DLGAP4: variants seen among roughly 807,000 people sequenced by gnomAD.
The protein encoded by DLGAP4 is DLG associated protein 4.
DLGAP4 carries 18 observed loss-of-function variants against 86.9 expected under a neutral mutation model. That is an observed-to-expected ratio of 0.21 (90% CI 0.14 to 0.31). The LOEUF (loss-of-function observed/expected upper bound fraction) is 0.31. Among genes scored for constraint, DLGAP4 ranks in the 10% least tolerant of loss-of-function variants. The pLI is 1.00. For synonymous variants in DLGAP4, 548 were observed against 574.3 expected, an observed-to-expected ratio of 0.95 and a Z score of 0.65; for missense variants, 1,085 against 1,362.6, an observed-to-expected ratio of 0.80 and a Z score of 3.21.
Position 36,317,260 on chromosome 20 carries a change from TTTC to T in DLGAP4, c.-304+10751_-304+10753del, listed in dbSNP as rs2065112794. 5.5e-3 allele frequency among the ~76,000 whole-genome samples: 309 copies of T among 56,096 alleles called. 3 individuals are homozygous for T. The highest frequency in any genetic ancestry group is 0.032 in the African/African-American group (288 of 8,948). The allele number at this position is 56,096 out of a possible 152,430, so 36.8% of individuals were successfully genotyped here. A position where few individuals can be genotyped will look rare whatever the true frequency, so the allele number is the denominator to read the frequency against. On this transcript the variant is annotated intron_variant, in intron 1 of 12. Coordinates refer to ENST00000339266, the MANE Select transcript of DLGAP4 (RefSeq NM_001365621.2). ...CTTTCTTTCTTTCTTTCTTTCTTTC[TTTC>T]TTTCTTTCTTTCTTATCTTTCTTTC...
chr20:36,513,141 C>T (rs977434472), intron 10 of DLGAP4, among the ~76,000 whole-genome samples: 3 of 151,130 alleles, frequency 2.0e-5, no homozygotes, highest in African/African-American at 7.3e-5. Flanking sequence ...CCAGGCTGGT[C>T]TTGAACTCCT....
intron 7 of DLGAP4, among the ~76,000 whole-genome samples, chr20:36,465,823 T>G (rs546968419): frequency 6.6e-6 from 1 of 152,276 alleles, no homozygotes; most frequent in East Asian, 1.9e-4. Context: ...CTAGCCACTT[T>G]GAGAAGTTGT....
chr20:36,440,010 A>C (rs1037607180), intron 5 of DLGAP4, 142 bp downstream of exon 5: 49 of 728,240 alleles, frequency 6.7e-5, no homozygotes, highest in Non-Finnish European at 1.1e-4. Flanking sequence ...TTGTTCCTGA[A>C]GCCTCCTGTG....
rs1569527833 is a variant in DLGAP4, at chr20:36,526,772, C to CTTTA, written c.2761-37_2761-34dup. On this transcript the variant is annotated intron_variant, in intron 12 of 12. Transcript: ENST00000339266. The stretch of plus-strand genomic sequence containing the variant: ...GGTAGTGCCACACAAAACGTGGCAC[C>CTTTA]TTTATTTTATTTTTGTTCTCTCCTC... The CTTTA allele has an allele frequency of 3.3e-6, 5 of 1,524,280 alleles. No homozygotes were observed. In the East Asian group the frequency reaches 7.2e-5, roughly 22 times the overall value. The allele number at this position is 1,524,280 out of a possible 1,614,324, so 94.4% of individuals were successfully genotyped here.
At chr20:36,512,621 G>A (rs146560362) in intron 10 of DLGAP4, 1 of 152,388 alleles carries the variant, frequency 6.6e-6, no homozygotes, top group Non-Finnish European at 1.5e-5. Context: ...AACCAGGAAG[G>A]GTAAGAGCAG....
intron 7 of DLGAP4, among the ~76,000 whole-genome samples, chr20:36,450,660 C>G (rs1048547385): frequency 7.9e-5 from 12 of 152,166 alleles, no homozygotes; most frequent in Non-Finnish European, 4.4e-5. Context: ...TATGTCAGGT[C>G]TGGATGTGGC....
At position 36,393,053 on chromosome 20, in the gene DLGAP4, G is replaced by A. The variant is rs1374812182; in HGVS notation, c.-73+25778G>A. 6.6e-6 allele frequency among the ~76,000 whole-genome samples: 1 copy of A among 152,130 alleles called. No individual in the cohort carries two copies. Among genetic ancestry groups the A allele is most frequent in the Non-Finnish European group, 1.5e-5 (1 of 68,012 alleles). ...TGAGGACTGGGAAAGGGAGGCTGGGGGCGGGGGAATGGGTGGGGTAGGAAT... is the reference window on the plus strand; with the variant it reads ...TGAGGACTGGGAAAGGGAGGCTGGGAGCGGGGGAATGGGTGGGGTAGGAAT... On this transcript the variant is annotated intron_variant, in intron 2 of 12. Coordinates refer to ENST00000339266, the MANE Select transcript of DLGAP4 (RefSeq NM_001365621.2). The surrounding 1 kb of genome is among the most constrained non-coding windows in gnomAD (Gnocchi z 4.4).
intron 2 of DLGAP4, among the ~76,000 whole-genome samples, chr20:36,380,176 C>A (rs1843673366): frequency 6.6e-6 from 1 of 151,044 alleles, no homozygotes; most frequent in Admixed American, 6.6e-5. Flanking sequence ...TAGCAAGACC[C>A]CATCTCTACA....
chr20:36,358,414 G>A (rs1199286791), intron 1 of DLGAP4, among the ~76,000 whole-genome samples: 1 of 152,192 alleles, frequency 6.6e-6, no homozygotes, highest in African/African-American at 2.4e-5. Context: ...TGAGGACAGG[G>A]ACAAGCATGT....
intron 1 of DLGAP4, among the ~76,000 whole-genome samples, chr20:36,366,099 C>A (rs2030679089): frequency 6.6e-6 from 1 of 152,240 alleles, no homozygotes; most frequent in East Asian, 1.9e-4. Flanking sequence ...CTGGTTCCTG[C>A]TGATTCGTGG....
rs1262294838 is a variant in DLGAP4, at chr20:36,525,872, C to T, written c.2626C>T (p.Pro876Ser). The change falls in exon 12 of 13, where the codon CCC becomes TCC. Residue 876 changes from proline (P) to serine (S), a missense_variant. Physicochemically the swap from Pro to Ser is moderately conservative, Grantham distance 74. This residue lies in a region of DLGAP4 where 1,082 missense variants were observed against 1,344.1 expected (regional missense o/e 0.81). Transcript: ENST00000339266. ...QNLNPDANPR[P>S]TAQDLAGFWD... ...ACAGAACCCTGATGCCAACCCACGC[C>T]CCACAGCCCAGGACCTGGCAGGGTT... 1 of 1,613,706 alleles carries T rather than the reference C, an allele frequency of 6.2e-7. No individual in the cohort carries two copies. The highest frequency in any genetic ancestry group is 8.5e-7 in the Non-Finnish European group (1 of 1,179,974).
chr20:36,501,414 A>G lies in DLGAP4; in HGVS notation c.2512+803A>G, dbSNP rs569400477. Among the ~76,000 whole-genome samples, 3 of 152,310 alleles carry G rather than the reference A, an allele frequency of 2.0e-5. No homozygotes were observed. In the South Asian group the frequency reaches 6.2e-4, roughly 32 times the overall value. On this transcript the variant is annotated intron_variant, in intron 10 of 12. Transcript: ENST00000339266. ...CTGTGTGCCAAGCACCAGGGATCCA[A>G]CTGGGTCTCAATAGGGTGTGAAGAA... is the stretch of plus-strand genomic sequence containing the variant.
intron 7 of DLGAP4, among the ~76,000 whole-genome samples, chr20:36,488,815 G>A (rs2035533193): frequency 1.3e-5 from 2 of 152,052 alleles, no homozygotes; most frequent in African/African-American, 2.4e-5. Context: ...CAAGTGATCT[G>A]CCCGCCTCAG....
intron 1 of DLGAP4, among the ~76,000 whole-genome samples, chr20:36,329,185 C>T (rs1482716351): frequency 6.6e-6 from 1 of 152,206 alleles, no homozygotes; most frequent in African/African-American, 2.4e-5. Context: ...CCTGGGATTA[C>T]ATGCGTGAGT....
chr20:36,486,352 G>A (rs2035410889), intron 7 of DLGAP4, among the ~76,000 whole-genome samples: 1 of 152,168 alleles, frequency 6.6e-6, no homozygotes, highest in African/African-American at 2.4e-5. Flanking sequence ...AGACTGGATG[G>A]TCAGGGAGGC....
In DLGAP4 at chr20:36,446,294, G is replaced by A. The variant is rs6090942; in HGVS notation, c.1408-403G>A. 5.6e-3 allele frequency among the ~76,000 whole-genome samples: 853 copies of A among 152,260 alleles called. 5 individuals carry two copies. The highest frequency in any genetic ancestry group is 0.019 in the African/African-American group (807 of 41,540). ...TCTTTCCTTGTAAAATAAAGGGATTGGACCATAGGATGGTAAATATCCAGC... is the reference window on the plus strand; with the variant it reads ...TCTTTCCTTGTAAAATAAAGGGATTAGACCATAGGATGGTAAATATCCAGC... On this transcript the variant is annotated intron_variant, in intron 6 of 12. Coordinates refer to ENST00000339266, the MANE Select transcript of DLGAP4 (RefSeq NM_001365621.2).
chr20:36,525,216 CAAAAAAAAAAAAAAAAAAA>C (rs1159616185), intron 11 of DLGAP4, among the ~76,000 whole-genome samples: 43 of 28,506 alleles, frequency 1.5e-3, no homozygotes, highest in African/African-American at 3.2e-3. Flanking sequence ...GACTCCGTCT[CAAAAAAAAAAAAAAAAAAA>C]AAAAAAAAAA....
At chr20:36,415,776 T>A (rs2032636277) in intron 2 of DLGAP4, among the ~76,000 whole-genome samples, 1 of 152,080 alleles carries the variant, frequency 6.6e-6, no homozygotes, top group African/African-American at 2.4e-5. Flanking sequence ...AGGCTCCTAC[T>A]CAACCTCCCC....
chr20:36,458,065 G>A (rs1409894332), intron 7 of DLGAP4, among the ~76,000 whole-genome samples: 1 of 152,254 alleles, frequency 6.6e-6, no homozygotes, highest in East Asian at 1.9e-4. Context: ...TGAGGAGAGA[G>A]CCATGGTAAG....
Sources: allele counts gnomAD v4.1 joint callset (sites outside exome capture counted in the v4.1 genomes callset), GRCh38; gene constraint gnomAD v4.1.1; regional missense constraint gnomAD v4.1.1; non-coding constraint Gnocchi (gnomAD v3.1); transcripts MANE v1.5; gene names NCBI Gene and HGNC (gene_info 2026-07-23, HGNC 2026-07-21).